EPB41L5: variants seen among roughly 807,000 people sequenced by gnomAD.
EPB41L5 encodes erythrocyte membrane protein band 4.1 like 5, also known as band 4.1-like protein 5.
In EPB41L5, 55 loss-of-function variants were observed where a neutral mutation model predicts 106.6. That is an observed-to-expected ratio of 0.52 (90% CI 0.42 to 0.65). The LOEUF is 0.65. Among genes scored for constraint, EPB41L5 ranks in the 30% least tolerant of loss-of-function variants. The pLI is 0.00. For synonymous variants in EPB41L5, 297 were observed against 306.7 expected (o/e 0.97, Z 0.33); for missense variants, 871 against 882.1 (o/e 0.99, Z 0.16).
chr2:120,018,673 G>A (rs1449876762), intron 1 of EPB41L5, among the ~76,000 whole-genome samples: 3 of 151,624 alleles, frequency 2.0e-5, no homozygotes, highest in Non-Finnish European at 4.4e-5. Context: ...TTGAGACAGG[G>A]TCTTGCTCTG....
chr2:120,034,026 G>GTT (rs1678888503), intron 2 of EPB41L5, among the ~76,000 whole-genome samples: 2 of 152,114 alleles, frequency 1.3e-5, no homozygotes, highest in African/African-American at 4.8e-5. Flanking sequence ...AGCCCAGGAG[G>GTT]TTGAGGCTGC....
Position 120,100,757 on chromosome 2 carries a change from C to T in EPB41L5, c.1280C>T (p.Pro427Leu). ...VSPSISSAPV[P>L]VEIENLPQSP... is the part of the protein sequence containing the mutation. ...CCTTCCATTTCCTCTGCTCCTGTGC[C>T]AGTGGAGATAGAGAATCTTCCACAG... Residue 427 changes from proline to leucine, a missense_variant, in exon 16 of 25, where the codon CCA (proline) becomes CTA (leucine). Physicochemically the swap from Pro to Leu is moderately conservative, Grantham distance 98. Coordinates refer to ENST00000263713, the MANE Select transcript of EPB41L5 (RefSeq NM_020909.4). The T allele has an allele frequency of 1.2e-6, 2 of 1,613,506 alleles. No individual in the cohort carries two copies. The highest frequency in any genetic ancestry group is 1.7e-6 in the Non-Finnish European group (2 of 1,179,704).
intron 16 of EPB41L5, among the ~76,000 whole-genome samples, chr2:120,124,547 T>A (rs1685373638): frequency 6.6e-6 from 1 of 152,240 alleles, no homozygotes; most frequent in Admixed American, 6.5e-5. Context: ...TTCATTCCTA[T>A]GTACTTTTGC....
At chr2:120,104,056 C>A in intron 16 of EPB41L5, 2 of 1,531,530 alleles carry the variant, frequency 1.3e-6, no homozygotes, top group Non-Finnish European at 8.7e-7. Context: ...CCCCAACCAT[C>A]CAGGCTCTCT....
intron 16 of EPB41L5, among the ~76,000 whole-genome samples, chr2:120,101,983 A>C (rs1162925499): frequency 6.6e-6 from 1 of 152,206 alleles, no homozygotes; most frequent in Non-Finnish European, 1.5e-5. Context: ...TTTATTTTTG[A>C]AAGTCATTTT....
In EPB41L5 at chr2:120,128,566, A is replaced by G. The variant is rs541746586; in HGVS notation, c.1501+715A>G. Among the ~76,000 whole-genome samples, 8 of 152,356 alleles carry G rather than the reference A, an allele frequency of 5.3e-5. No individual in the cohort carries two copies. The South Asian group carries it at 1.4e-3, about 28-fold the overall frequency. On this transcript the variant is annotated intron_variant, in intron 17 of 24. Transcript: ENST00000263713. ...GAGACTGTAGAATACAATAATATTT[A>G]GTAATTTAGAAATAAATGTTAGTGA...
At chr2:120,092,180 C>T (rs1043607180) in intron 13 of EPB41L5, among the ~76,000 whole-genome samples, 3 of 152,038 alleles carry the variant, frequency 2.0e-5, no homozygotes, top group African/African-American at 7.2e-5. Flanking sequence ...AGGCATGCGC[C>T]ACCACTCCTG....
intron 3 of EPB41L5, among the ~76,000 whole-genome samples, chr2:120,061,736 T>A (rs1681094043): frequency 6.6e-6 from 1 of 152,228 alleles, no homozygotes; most frequent in Non-Finnish European, 1.5e-5. Context: ...CGTGATACTG[T>A]ATATTATGCT....
At chr2:120,164,487 C>G (rs1224696720) in intron 21 of EPB41L5, among the ~76,000 whole-genome samples, 1 of 152,134 alleles carries the variant, frequency 6.6e-6, no homozygotes, top group Non-Finnish European at 1.5e-5. Context: ...GCTAGGATTA[C>G]AGGTGTGAGC....
chr2:120,025,211 G>A (rs1054832686), intron 2 of EPB41L5, among the ~76,000 whole-genome samples: 1 of 152,090 alleles, frequency 6.6e-6, no homozygotes, highest in Non-Finnish European at 1.5e-5. Flanking sequence ...CTTCTTCCTG[G>A]TTTAGTCTTG....
At chr2:120,132,052 A>G (rs951648658) in intron 18 of EPB41L5, among the ~76,000 whole-genome samples, 1 of 152,138 alleles carries the variant, frequency 6.6e-6, no homozygotes, top group Non-Finnish European at 1.5e-5. Context: ...TTTTAAAGAG[A>G]GCTGCTCTGT....
chr2:120,109,341 TCTCCTCTTACAAACCACTTC>T (rs550245331), intron 16 of EPB41L5, among the ~76,000 whole-genome samples: 146 of 152,272 alleles, frequency 9.6e-4, no homozygotes, highest in African/African-American at 2.6e-3. Context: ...GGGCTGACTT[TCTCCTCTTACAAACCACTTC>T]CTCCTCTTAC....
chr2:120,102,259 T>G (rs1402858768), intron 16 of EPB41L5, among the ~76,000 whole-genome samples: 1 of 152,220 alleles, frequency 6.6e-6, no homozygotes, highest in Admixed American at 6.5e-5. Flanking sequence ...AGGTACTACT[T>G]GGTTTCTTTG....
intron 14 of EPB41L5, among the ~76,000 whole-genome samples, chr2:120,094,751 G>C (rs1683632736): frequency 6.6e-6 from 1 of 152,014 alleles, no homozygotes. Context: ...GCTATGTTGT[G>C]TTCTTGTTTT....
chr2:120,083,681 G>A (rs1231219400), intron 10 of EPB41L5, among the ~76,000 whole-genome samples: 1 of 152,034 alleles, frequency 6.6e-6, no homozygotes, highest in Admixed American at 6.6e-5. Context: ...GTCTCGATCT[G>A]TCTAATGTTG....
intron 2 of EPB41L5, among the ~76,000 whole-genome samples, chr2:120,021,399 CT>C (rs1051995505): frequency 2.6e-5 from 4 of 152,028 alleles, no homozygotes; most frequent in Non-Finnish European, 4.4e-5. Flanking sequence ...AATCGCAGCA[CT>C]TTGGGAGGCC....
intron 2 of EPB41L5, among the ~76,000 whole-genome samples, chr2:120,036,717 T>G (rs1027977806): frequency 6.6e-6 from 1 of 152,080 alleles, no homozygotes; most frequent in Non-Finnish European, 1.5e-5. Context: ...AGGAAAATAC[T>G]AGGTATAAGA....
chr2:120,174,759 C>A, intron 24 of EPB41L5, 82 bp from the exon 25 acceptor site: 1 of 1,177,864 alleles, frequency 8.5e-7, no homozygotes, highest in Non-Finnish European at 1.3e-6. Context: ...TCAAAATGCT[C>A]TGTGTGGCAC....
chr2:120,111,831 C>T (rs1375674188), intron 16 of EPB41L5, among the ~76,000 whole-genome samples: 2 of 152,264 alleles, frequency 1.3e-5, no homozygotes, highest in East Asian at 3.9e-4. Flanking sequence ...ACCTCAGATC[C>T]TCACATTGAT....
Sources: allele counts gnomAD v4.1 joint callset (sites outside exome capture counted in the v4.1 genomes callset), GRCh38; gene constraint gnomAD v4.1.1; transcripts MANE v1.5; gene names NCBI Gene and HGNC (gene_info 2026-07-23, HGNC 2026-07-21).